The following CHCHD3 variants were observed in gnomAD, a reference collection of about 807,000 sequenced individuals.
CHCHD3 encodes the protein MICOS complex subunit MIC19.
A neutral mutation model predicts 38.2 loss-of-function variants in CHCHD3; 20 were observed. The ratio of observed to expected loss-of-function variants is 0.52; its 90% CI spans 0.37 to 0.76. CHCHD3 has a LOEUF of 0.76. Ranked by LOEUF, CHCHD3 falls within the 30% of genes least tolerant of loss-of-function variation. The probability of loss-of-function intolerance (pLI) is 0.00; values close to 1 mark genes in which losing one functional copy is unlikely to be tolerated. For synonymous variants in CHCHD3, 82 were observed against 100.0 expected (o/e 0.82, Z 1.07); for missense variants, 245 against 279.2 (o/e 0.88, Z 0.87).
chr7:132,993,624 G>A (rs1812339275), intron 3 of CHCHD3, among the ~76,000 whole-genome samples: 2 of 152,224 alleles, frequency 1.3e-5, no homozygotes, highest in African/African-American at 2.4e-5. Flanking sequence ...ACTAAGTGGT[G>A]GGAGATGAGG....
At chr7:132,964,438 G>A (rs1160513067) in intron 4 of CHCHD3, among the ~76,000 whole-genome samples, 7 of 152,156 alleles carry the variant, frequency 4.6e-5, no homozygotes, top group East Asian at 1.9e-4. Flanking sequence ...AAAATTAGCC[G>A]GGCATGGAGG....
At chr7:132,897,387 CTT>C (rs34045972) in intron 4 of CHCHD3, among the ~76,000 whole-genome samples, 30,613 of 152,116 alleles carry the variant, frequency 0.2, 3,434 homozygotes, top group South Asian at 0.27. Flanking sequence ...TAAATTTAGA[CTT>C]AATGTTCACA....
chr7:132,924,577 TA>T (rs1241618520), intron 4 of CHCHD3, among the ~76,000 whole-genome samples: 1 of 152,166 alleles, frequency 6.6e-6, no homozygotes, highest in Non-Finnish European at 1.5e-5. Flanking sequence ...AAATATTTTT[TA>T]AACCTCTTTT....
intron 4 of CHCHD3, among the ~76,000 whole-genome samples, chr7:132,936,284 G>A (rs556682043): frequency 2.0e-5 from 3 of 152,154 alleles, no homozygotes; most frequent in African/African-American, 7.2e-5. Context: ...AAAGAACAGG[G>A]GATAAGATCA....
At chr7:132,923,569 A>G (rs1477144768) in intron 4 of CHCHD3, among the ~76,000 whole-genome samples, 1 of 152,222 alleles carries the variant, frequency 6.6e-6, no homozygotes, top group African/African-American at 2.4e-5. Context: ...CAGGGGTATC[A>G]GTTTATAAAC....
intron 2 of CHCHD3, among the ~76,000 whole-genome samples, chr7:133,055,189 T>C (rs1814282033): frequency 1.3e-5 from 2 of 149,912 alleles, no homozygotes; most frequent in South Asian, 2.1e-4. Context: ...GTATTCTTAA[T>C]ATATAATGAT....
At chr7:132,864,451 T>C (rs1303385094) in intron 5 of CHCHD3, among the ~76,000 whole-genome samples, 1 of 152,136 alleles carries the variant, frequency 6.6e-6, no homozygotes, top group Non-Finnish European at 1.5e-5. Context: ...CACCATAGCA[T>C]ATATAACAAC....
intron 3 of CHCHD3, among the ~76,000 whole-genome samples, chr7:133,011,597 A>G (rs1812875452): frequency 6.6e-6 from 1 of 152,194 alleles, no homozygotes; most frequent in East Asian, 1.9e-4. Context: ...AGGTATGGCC[A>G]GAAGTCCCAT....
chr7:133,048,800 A>C (rs1490425656), intron 2 of CHCHD3, among the ~76,000 whole-genome samples: 2 of 152,332 alleles, frequency 1.3e-5, no homozygotes, highest in Middle Eastern at 3.4e-3. Flanking sequence ...ATAAATCCAC[A>C]AAGTGAGAGA....
chr7:132,854,433 A>C (rs1198544458), intron 5 of CHCHD3, among the ~76,000 whole-genome samples: 2 of 152,192 alleles, frequency 1.3e-5, no homozygotes, highest in Non-Finnish European at 1.5e-5. Flanking sequence ...GAATAAGGAC[A>C]GTTACGCAAC....
intron 6 of CHCHD3, among the ~76,000 whole-genome samples, chr7:132,800,170 A>C (rs979381446): frequency 1.3e-5 from 2 of 152,254 alleles, no homozygotes; most frequent in African/African-American, 4.8e-5. Context: ...GAAAAAGAAA[A>C]GAATAAAGAT....
rs944050934 is a variant in CHCHD3 at position 133,035,152 on chromosome 7, G to A, written c.170-10525C>T. Reference sequence around the variant, plus strand: ...TCATCCATCTCCTCCTCAGGAGCAGGGGCAGCCGCCTTTTTCTCCTCCTTC... The same window carrying A: ...TCATCCATCTCCTCCTCAGGAGCAGAGGCAGCCGCCTTTTTCTCCTCCTTC... On this transcript the variant is annotated intron_variant, in intron 2 of 7. Coordinates refer to ENST00000262570, the MANE Select transcript of CHCHD3 (RefSeq NM_017812.4). This position sits in a 1 kb window ranked among gnomAD's most constrained non-coding sequence, Gnocchi z 4.7. 1.2e-6 allele frequency: 2 copies of A among 1,612,804 alleles called. No homozygotes were observed. The highest frequency in any genetic ancestry group is 2.7e-5 in the African/African-American group (2 of 74,892).
chr7:133,074,868 T>C (rs1814931525), intron 1 of CHCHD3, among the ~76,000 whole-genome samples: 1 of 152,210 alleles, frequency 6.6e-6, no homozygotes, highest in African/African-American at 2.4e-5. Context: ...TTTTGCACCA[T>C]AAACTACAAT....
intron 2 of CHCHD3, among the ~76,000 whole-genome samples, chr7:133,027,667 T>A (rs957095100): frequency 1.3e-5 from 2 of 152,124 alleles, no homozygotes; most frequent in Non-Finnish European, 2.9e-5. Context: ...CTGTTTTGCC[T>A]CTCTCCTACT....
intron 5 of CHCHD3, among the ~76,000 whole-genome samples, chr7:132,855,562 C>T (rs2117122877): frequency 6.6e-6 from 1 of 152,196 alleles, no homozygotes. Context: ...AAAGGAAAGG[C>T]CTTTTTGAAA....
chr7:132,963,624 A>G (rs1811382523), intron 4 of CHCHD3, among the ~76,000 whole-genome samples: 1 of 135,264 alleles, frequency 7.4e-6, no homozygotes, highest in Non-Finnish European at 1.6e-5. Flanking sequence ...GTGAGACTCC[A>G]TCTCAAAAAA....
chr7:132,889,955 T>C (rs1031027452), intron 4 of CHCHD3, among the ~76,000 whole-genome samples: 8 of 152,220 alleles, frequency 5.3e-5, no homozygotes, highest in African/African-American at 1.9e-4. Flanking sequence ...TATTTATTGA[T>C]ATAGAACCAT....
rs377267868 is a variant in CHCHD3 at position 133,067,935 on chromosome 7, T to C, written c.169+2207A>G. ...ATTTAGACCATCCTGGCTAACACGG[T>C]GAAACCCCGTCTCTACTAAAAATAT... On this transcript the variant is annotated intron_variant, in intron 2 of 7. Coordinates refer to ENST00000262570, the MANE Select transcript of CHCHD3 (RefSeq NM_017812.4). Among the ~76,000 whole-genome samples, 17 of 152,128 alleles carry C rather than the reference T, an allele frequency of 1.1e-4. No individual in the cohort carries two copies. The East Asian group carries it at 3.1e-3, about 28-fold the overall frequency.
chr7:133,080,630 A>G (rs1036083270), intron 1 of CHCHD3, among the ~76,000 whole-genome samples: 2 of 152,274 alleles, frequency 1.3e-5, no homozygotes, highest in African/African-American at 2.4e-5. Flanking sequence ...CTGAAACACA[A>G]TAACTCAAAG....
Sources: gnomAD v4.1 joint callset for allele counts (sites outside exome capture counted in the v4.1 genomes callset) on GRCh38, gnomAD v4.1.1 for gene constraint, Gnocchi (gnomAD v3.1) non-coding constraint, MANE v1.5 for transcripts, NCBI Gene and HGNC (gene_info 2026-07-23, HGNC 2026-07-21) for gene names.